ORC2: variants seen among roughly 807,000 people sequenced by gnomAD.
ORC2 encodes the protein origin recognition complex protein 2 homolog.
In ORC2, 37 loss-of-function variants were observed where a neutral mutation model predicts 77.7. The ratio of observed to expected loss-of-function variants is 0.48; its 90% CI spans 0.37 to 0.63. The LOEUF is 0.63. Ranked by LOEUF, ORC2 falls within the 20% of genes least tolerant of loss-of-function variation. The pLI is 0.00. For missense variants in ORC2, 557 were observed against 661.9 expected, an observed-to-expected ratio of 0.84 and a Z score of 1.74; for synonymous variants, 201 against 229.5, an observed-to-expected ratio of 0.88 and a Z score of 1.12.
chr2:200,937,941 G>T lies in ORC2; in HGVS notation c.479C>A (p.Ser160Ter). 6.2e-7 allele frequency: 1 copy of T among 1,601,280 alleles called. No individual in the cohort carries two copies. The highest frequency in any genetic ancestry group is 8.5e-7 in the Non-Finnish European group (1 of 1,171,810). ...TTTTCTTAGACTACGAGGTGCTGTT[G>T]ACAGAAATTCACTTTTGTCATTGTT... Reference protein sequence around the residue: ...PKNNDKSEFLSTAPRSLRKRL... With the variant: ...PKNNDKSEFL The change falls in exon 8 of 18, where the codon TCA becomes TAA. Residue 160 changes from serine to a stop codon, truncating the protein, a stop_gained. Transcript: ENST00000234296. LOFTEE classifies it high-confidence loss of function.
At chr2:200,938,759 C>T (rs994541364) in intron 7 of ORC2, among the ~76,000 whole-genome samples, 1 of 152,054 alleles carries the variant, frequency 6.6e-6, no homozygotes, top group African/African-American at 2.4e-5. Flanking sequence ...TACTCTAGGC[C>T]GGGCACAGTG....
chr2:200,960,229 C>T (rs2041546935), intron 1 of ORC2, among the ~76,000 whole-genome samples: 1 of 152,102 alleles, frequency 6.6e-6, no homozygotes, highest in South Asian at 2.1e-4. Context: ...CTACCCACCT[C>T]TACCTCCCAA....
At chr2:200,924,480 A>T (rs1202904394) in intron 13 of ORC2, among the ~76,000 whole-genome samples, 1 of 152,224 alleles carries the variant, frequency 6.6e-6, no homozygotes, top group Non-Finnish European at 1.5e-5. Flanking sequence ...ACATGCTAGA[A>T]TATTGACAAG....
chr2:200,927,634 G>C (rs1384209150), intron 11 of ORC2, among the ~76,000 whole-genome samples: 2 of 150,242 alleles, frequency 1.3e-5, no homozygotes, highest in Admixed American at 6.6e-5. Context: ...AGCTTGCAGT[G>C]AGCCGAGATC....
chr2:200,935,881 G>C lies in ORC2; in HGVS notation c.526C>G (p.His176Asp). Residue 176 changes from histidine to aspartate, a missense_variant, in exon 9 of 18, where the codon CAT (histidine) becomes GAT (aspartate). Coordinates refer to ENST00000234296, the MANE Select transcript of ORC2 (RefSeq NM_006190.5). ...LRKRLIVPRSHSDSESEYSAS... is the reference protein window; with the variant it reads ...LRKRLIVPRSDSDSESEYSAS... The stretch of plus-strand genomic sequence containing the variant: ...GAATATTCGCTTTCACTGTCAGAAT[G>C]AGACCTTGGAACTGTGGGGGGAAAA... 1 of 1,613,022 alleles carries C rather than the reference G, an allele frequency of 6.2e-7. No individual in the cohort carries two copies. Among genetic ancestry groups the C allele is most frequent in the Non-Finnish European group, 8.5e-7 (1 of 1,179,678 alleles).
chr2:200,963,652 C>T lies in ORC2; in HGVS notation c.-222G>A, dbSNP rs2041625941. On this transcript the variant is annotated 5_prime_UTR_variant, in exon 1 of 18. Coordinates refer to ENST00000234296, the MANE Select transcript of ORC2 (RefSeq NM_006190.5). ...GGAGGTAAGGAGCACCGGAGGCCAG[C>T]TGGGGGATGGGAAGCCTGCGTGCGG... is the stretch of plus-strand genomic sequence containing the variant. 2.5e-6 allele frequency: 1 copy of T among 398,318 alleles called. No individual in the cohort carries two copies. Among genetic ancestry groups the T allele is most frequent in the Non-Finnish European group, 4.4e-6 (1 of 226,022 alleles). The allele number at this position is 398,318 out of a possible 1,614,324, so 24.7% of individuals were successfully genotyped here.
At position 200,935,702 on chromosome 2, in the gene ORC2, T is replaced by G. The variant is rs2041028862; in HGVS notation, c.705A>C (p.Lys235Asn). 1.3e-6 allele frequency: 2 copies of G among 1,599,172 alleles called. No individual in the cohort carries two copies. The highest frequency in any genetic ancestry group is 1.4e-5 in the African/African-American group (1 of 73,978). ...TAAAGTCTCTCTCTTCACTTACTGT[T>G]TTATCTCTTTTCATTCTCTTAGAAG... ...ETPSKRMKRD[K>N]TSDLVEEYFE... Residue 235 changes from lysine to asparagine, a missense_variant, in exon 9 of 18, where the codon AAA becomes AAC. By Grantham distance (94) the Lys-to-Asn change is moderately conservative. Coordinates refer to ENST00000234296, the MANE Select transcript of ORC2 (RefSeq NM_006190.5).
chr2:200,937,760 G>T, intron 8 of ORC2, 146 bp downstream of exon 8: 1 of 602,838 alleles, frequency 1.7e-6, no homozygotes, highest in Non-Finnish European at 3.0e-6. Flanking sequence ...ACTACAATGT[G>T]AAAGACATGG....
intron 1 of ORC2, chr2:200,963,262 C>T: frequency 2.5e-6 from 1 of 395,566 alleles, no homozygotes; most frequent in Non-Finnish European, 4.5e-6. Flanking sequence ...AGCCTCTGGC[C>T]AGTTGGCTGC....
At chr2:200,927,886 G>T (rs1039190294) in intron 11 of ORC2, among the ~76,000 whole-genome samples, 2 of 150,630 alleles carry the variant, frequency 1.3e-5, no homozygotes, top group Middle Eastern at 3.2e-3. Flanking sequence ...TAGTAGAGAC[G>T]GGGTTTCACC....
At chr2:200,938,322 G>A (rs1439353659) in intron 7 of ORC2, among the ~76,000 whole-genome samples, 2 of 152,154 alleles carry the variant, frequency 1.3e-5, no homozygotes, top group Non-Finnish European at 2.9e-5. Context: ...GAGCCACAGC[G>A]CCCGGCCCAA....
intron 15 of ORC2, among the ~76,000 whole-genome samples, chr2:200,915,745 G>A (rs1024016681): frequency 3.3e-5 from 5 of 152,000 alleles, no homozygotes; most frequent in African/African-American, 1.2e-4. Context: ...CCAGGTTGGA[G>A]TGCAGTGGTG....
intron 5 of ORC2, 71 bp downstream of exon 5, chr2:200,949,483 C>A: frequency 1.2e-6 from 1 of 803,870 alleles, no homozygotes; most frequent in East Asian, 2.5e-5. Context: ...GTATAATAAT[C>A]ATGGGGAATG....
chr2:200,927,606 C>T (rs1287353528), intron 11 of ORC2, among the ~76,000 whole-genome samples: 2 of 149,716 alleles, frequency 1.3e-5, no homozygotes, highest in East Asian at 2.1e-4. Flanking sequence ...AGGAGAATGG[C>T]GTGAACACGG....
chr2:200,915,184 T>TTTTAGTAGAGCTA (rs2040622909), intron 15 of ORC2, among the ~76,000 whole-genome samples: 1 of 152,002 alleles, frequency 6.6e-6, no homozygotes, highest in Admixed American at 6.6e-5. Context: ...CAGCTAATTT[T>TTTTAGTAGAGCTA]GTATTTTTAG....
intron 6 of ORC2, among the ~76,000 whole-genome samples, chr2:200,941,980 G>T (rs1253866768): frequency 6.6e-6 from 1 of 151,404 alleles, no homozygotes; most frequent in African/African-American, 2.4e-5. Flanking sequence ...TCCAGCCTGG[G>T]TGAAAAGCGA....
intron 10 of ORC2, among the ~76,000 whole-genome samples, chr2:200,931,675 A>C (rs905470257): frequency 6.6e-6 from 1 of 152,178 alleles, no homozygotes; most frequent in African/African-American, 2.4e-5. Context: ...ACAGTAAAGA[A>C]TTTGGTAAGT....
chr2:200,912,711 C>T (rs905919498), intron 17 of ORC2, among the ~76,000 whole-genome samples: 1 of 152,160 alleles, frequency 6.6e-6, no homozygotes, highest in African/African-American at 2.4e-5. Flanking sequence ...TGAGCCACCA[C>T]GCCTGGCCTC....
At chr2:200,934,111 C>T (rs1042784415) in intron 9 of ORC2, 137 bp from the exon 10 acceptor site, 3 of 505,626 alleles carry the variant, frequency 5.9e-6, no homozygotes, top group Non-Finnish European at 7.1e-6. Flanking sequence ...AGCAACAGTA[C>T]CAGTTAAGGA....
Sources: allele counts gnomAD v4.1 joint callset (sites outside exome capture counted in the v4.1 genomes callset), GRCh38; gene constraint gnomAD v4.1.1; transcripts MANE v1.5; gene names NCBI Gene and HGNC (gene_info 2026-07-23, HGNC 2026-07-21).